VPS13C: variants seen among roughly 807,000 people sequenced by gnomAD.
VPS13C encodes the protein vacuolar protein sorting 13 homolog C, also known as intermembrane lipid transfer protein VPS13C.
VPS13C carries 358 observed loss-of-function variants against 456.8 expected under a neutral mutation model. The ratio of observed to expected loss-of-function variants is 0.78; its 90% confidence interval spans 0.72 to 0.86. The LOEUF (loss-of-function observed/expected upper bound fraction) is 0.86, where lower values mean the gene tolerates loss of function less well. VPS13C is among the 40% of genes least tolerant of loss of function. The pLI is 0.00. For missense variants in VPS13C, 4,818 were observed against 4,385.4 expected (o/e 1.10, Z -2.79); for synonymous variants, 1,578 against 1,486.7 (o/e 1.06, Z -1.41).
intron 24 of VPS13C, among the ~76,000 whole-genome samples, chr15:61,975,037 T>C (rs529400493): frequency 9.9e-5 from 15 of 152,210 alleles, no homozygotes; most frequent in South Asian, 6.2e-4. Context: ...TTTCTAGCTG[T>C]TGTTGTTTAT....
intron 37 of VPS13C, among the ~76,000 whole-genome samples, chr15:61,957,961 T>A (rs2045063986): frequency 6.6e-6 from 1 of 151,860 alleles, no homozygotes; most frequent in Admixed American, 6.6e-5. Context: ...GCAAAGTGAA[T>A]AAACACACAC....
intron 15 of VPS13C, among the ~76,000 whole-genome samples, chr15:62,004,646 T>C (rs879267955): frequency 6.6e-6 from 1 of 151,974 alleles, no homozygotes; most frequent in African/African-American, 2.4e-5. Flanking sequence ...CTGCTTTCTC[T>C]TGTGGGCATT....
At position 61,941,781 on chromosome 15, in the gene VPS13C, G is replaced by C; in HGVS notation, c.5435C>G (p.Thr1812Ser). 1.2e-6 allele frequency: 2 copies of C among 1,611,864 alleles called. No individual in the cohort carries two copies. The highest frequency in any genetic ancestry group is 2.2e-5 in the South Asian group (2 of 90,896). The change falls in exon 46 of 85, where the codon ACT (threonine) becomes AGT (serine). Residue 1812 changes from threonine to serine, a missense_variant. Around this residue, in one of 3 missense-constraint regions of VPS13C, gnomAD observed 4,552 missense variants for 4,130.6 expected, o/e 1.10. Transcript: ENST00000644861. Reference sequence around the variant, plus strand: ...TTTATACCTTGACAGCTTCAACTGAGTGAGTTCGATGTTCATTTTATCAAT... The same window carrying C: ...TTTATACCTTGACAGCTTCAACTGACTGAGTTCGATGTTCATTTTATCAAT... ...PVIDKMNIEL[T>S]QLKLSRTILQ...
intron 67 of VPS13C, among the ~76,000 whole-genome samples, chr15:61,887,131 A>G (rs1017557409): frequency 4.6e-5 from 7 of 150,658 alleles, no homozygotes; most frequent in African/African-American, 1.7e-4. Flanking sequence ...ATGACTGTCT[A>G]AACAGAAAAT....
At chr15:62,048,895 T>A (rs1459175832) in intron 1 of VPS13C, among the ~76,000 whole-genome samples, 1 of 152,230 alleles carries the variant, frequency 6.6e-6, no homozygotes, top group Non-Finnish European at 1.5e-5. Flanking sequence ...GCTGCATAAA[T>A]GTCTTCTTTT....
intron 8 of VPS13C, among the ~76,000 whole-genome samples, chr15:62,022,185 C>T (rs891765477): frequency 6.6e-6 from 1 of 151,796 alleles, no homozygotes; most frequent in Non-Finnish European, 1.5e-5. Flanking sequence ...ATGTTCCAAG[C>T]CCCCTAGTGG....
intron 15 of VPS13C, among the ~76,000 whole-genome samples, chr15:62,001,822 T>C (rs1417206087): frequency 6.6e-6 from 1 of 152,238 alleles, no homozygotes; most frequent in Non-Finnish European, 1.5e-5. Context: ...TCCAATTTCA[T>C]CCATGTCCCT....
intron 59 of VPS13C, 59 bp from the exon 60 acceptor site, chr15:61,917,694 C>G: frequency 6.5e-7 from 1 of 1,531,010 alleles, no homozygotes; most frequent in Non-Finnish European, 8.8e-7. Flanking sequence ...AAAAAAGCAT[C>G]TCATTAAATC....
chr15:61,898,989 G>A (rs2042915660), intron 66 of VPS13C, among the ~76,000 whole-genome samples: 1 of 87,928 alleles, frequency 1.1e-5, no homozygotes, highest in Non-Finnish European at 2.3e-5. Flanking sequence ...TGAACAACCT[G>A]CTCCTGAATG....
chr15:62,008,010 G>A (rs554781580), intron 14 of VPS13C, among the ~76,000 whole-genome samples: 1 of 152,250 alleles, frequency 6.6e-6, no homozygotes, highest in South Asian at 2.1e-4. Context: ...GGAGGCCGAG[G>A]AGAGTAGATC....
chr15:61,855,275 T>C (rs1359940472), intron 83 of VPS13C, among the ~76,000 whole-genome samples: 1 of 152,192 alleles, frequency 6.6e-6, no homozygotes, highest in Non-Finnish European at 1.5e-5. Context: ...CCTTCCTTCA[T>C]TTCTTTGGCT....
At chr15:62,059,301 G>A (rs79973085) in intron 1 of VPS13C, among the ~76,000 whole-genome samples, 1,702 of 152,228 alleles carry the variant, frequency 0.011, 30 homozygotes, top group African/African-American at 0.039. Context: ...AGTGGACAGG[G>A]GAAGTCTATA....
chr15:61,868,084 A>C (rs1894719619), intron 81 of VPS13C: 2 of 644,362 alleles, frequency 3.1e-6, no homozygotes, highest in African/African-American at 3.7e-5. Context: ...GAAAAATATT[A>C]ATACATTTCT....
chr15:61,911,710 T>C (rs2043306920), intron 63 of VPS13C, 130 bp downstream of exon 63: 2 of 966,930 alleles, frequency 2.1e-6, no homozygotes, highest in South Asian at 3.1e-5. Context: ...AGAAAAATCT[T>C]TCAAAGCTGG....
At chr15:61,947,918 A>C (rs991126217) in intron 42 of VPS13C, among the ~76,000 whole-genome samples, 2 of 152,206 alleles carry the variant, frequency 1.3e-5, no homozygotes, top group Non-Finnish European at 2.9e-5. Context: ...GTATGTGTGC[A>C]TAAGAATCAC....
At position 61,931,546 on chromosome 15, in the gene VPS13C, AATTC is replaced by A. The variant is rs749802979; in HGVS notation, c.5869-291_5869-288del. Among the ~76,000 whole-genome samples, 212 of 152,038 alleles carry A rather than the reference AATTC, an allele frequency of 1.4e-3. 2 individuals are homozygous for A. The highest frequency in any genetic ancestry group is 2.6e-3 in the Non-Finnish European group (174 of 67,950). On this transcript the variant is annotated intron_variant, in intron 49 of 84. Transcript: ENST00000644861. ...TAAAAATAATTAGGAAAGAGCTGTC[AATTC>A]ATCAATTAATCTAACTAATAAATTT... is the stretch of plus-strand genomic sequence containing the variant.
chr15:61,932,686 T>C (rs745437411), intron 49 of VPS13C, among the ~76,000 whole-genome samples: 1 of 152,194 alleles, frequency 6.6e-6, no homozygotes, highest in Non-Finnish European at 1.5e-5. Flanking sequence ...TCACTCAAGA[T>C]AGTATGTTGA....
Position 61,928,941 on chromosome 15 carries a change from GAAAGAAAA to G in VPS13C, c.6286+552_6286+559del, listed in dbSNP as rs373462221. ...GAGAGGAGAGAACAGGAAAGAAAAG[GAAAGAAAA>G]AAAAGGGAAAGAAAATAAAGAAAAT... On this transcript the variant is annotated intron_variant, in intron 51 of 84. Transcript: ENST00000644861. 1.7e-3 allele frequency among the ~76,000 whole-genome samples: 253 copies of G among 151,568 alleles called. 1 individual carries two copies. Among genetic ancestry groups the G allele is most frequent in the African/African-American group, 5.9e-3 (244 of 41,326 alleles).
In VPS13C at chr15:61,867,742, T is replaced by G. The variant is rs1566956530; in HGVS notation, c.10863+917A>C. On this transcript the variant is annotated intron_variant, in intron 81 of 84. Transcript: ENST00000644861. The surrounding 1 kb of genome is among the most constrained non-coding windows in gnomAD (Gnocchi z 5.0). Reference sequence around the variant, plus strand: ...ACTAATCTCTTATTTCTGGACAGTATTACCAGGAATACCACAAGTTTTTAT... The same window carrying G: ...ACTAATCTCTTATTTCTGGACAGTAGTACCAGGAATACCACAAGTTTTTAT... 23 of 1,461,784 alleles carry G rather than the reference T, an allele frequency of 1.6e-5. No homozygotes were observed. The highest frequency in any genetic ancestry group is 1.9e-5 in the Non-Finnish European group (21 of 1,110,054). 90.6% of individuals were successfully genotyped at this position (1,461,784 alleles called of 1,614,324 possible). A position where few individuals can be genotyped will look rare whatever the true frequency, so the allele number is the denominator to read the frequency against.
Sources: allele counts gnomAD v4.1 joint callset (sites outside exome capture counted in the v4.1 genomes callset), GRCh38; gene constraint gnomAD v4.1.1; regional missense constraint gnomAD v4.1.1; non-coding constraint Gnocchi (gnomAD v3.1); transcripts MANE v1.5; gene names NCBI Gene and HGNC (gene_info 2026-07-23, HGNC 2026-07-21).